ATP9B: variants seen among roughly 807,000 people sequenced by gnomAD.
The protein encoded by ATP9B is ATPase phospholipid transporting 9B.
A neutral mutation model predicts 146.1 loss-of-function variants in ATP9B; 110 were observed. The ratio of observed to expected loss-of-function variants is 0.75; its 90% CI spans 0.65 to 0.88. The LOEUF (loss-of-function observed/expected upper bound fraction) is 0.88, where lower values mean the gene tolerates loss of function less well. Among genes scored for constraint, ATP9B ranks in the 40% least tolerant of loss-of-function variants. The pLI is 0.00. For synonymous variants in ATP9B, 604 were observed against 569.7 expected (o/e 1.06, Z -0.86); for missense variants, 1,499 against 1,496.4 (o/e 1.00, Z -0.03).
At chr18:79,291,770 A>T (rs1476665877) in intron 13 of ATP9B, among the ~76,000 whole-genome samples, 1 of 152,262 alleles carries the variant, frequency 6.6e-6, no homozygotes, top group African/African-American at 2.4e-5. Flanking sequence ...TTTAGAAGAT[A>T]CCACGCATTT....
At chr18:79,206,688 A>G (rs1373262222) in intron 9 of ATP9B, among the ~76,000 whole-genome samples, 3 of 152,116 alleles carry the variant, frequency 2.0e-5, no homozygotes. Flanking sequence ...CTTTCATGAA[A>G]ATTTAGAATT....
At chr18:79,157,046 C>G (rs1600003649) in intron 7 of ATP9B, among the ~76,000 whole-genome samples, 1 of 151,978 alleles carries the variant, frequency 6.6e-6, no homozygotes, top group African/African-American at 2.4e-5. Context: ...TTTGTTAAGG[C>G]TTTTTTTGCA....
At chr18:79,215,666 TA>T (rs925121427) in intron 11 of ATP9B, among the ~76,000 whole-genome samples, 1 of 152,172 alleles carries the variant, frequency 6.6e-6, no homozygotes, top group African/African-American at 2.4e-5. Flanking sequence ...AGTGCTATGT[TA>T]TTTTTTTCAT....
At chr18:79,319,063 C>T (rs1427693134) in intron 15 of ATP9B, among the ~76,000 whole-genome samples, 3 of 152,112 alleles carry the variant, frequency 2.0e-5, no homozygotes, top group South Asian at 2.1e-4. Context: ...GCCAGCATCT[C>T]GGCCACCCAT....
At chr18:79,323,775 C>T (rs867558048) in intron 15 of ATP9B, among the ~76,000 whole-genome samples, 4 of 152,150 alleles carry the variant, frequency 2.6e-5, no homozygotes, top group Middle Eastern at 3.2e-3. Context: ...GTAGGGGTGC[C>T]GAGATCTCTT....
intron 6 of ATP9B, among the ~76,000 whole-genome samples, chr18:79,148,424 A>G (rs2094627049): frequency 1.3e-5 from 2 of 152,328 alleles, no homozygotes; most frequent in South Asian, 4.1e-4. Context: ...AGGTTATTCC[A>G]GGTGTGTAAA....
At chr18:79,364,927 G>A (rs755038730) in intron 26 of ATP9B, among the ~76,000 whole-genome samples, 1 of 152,096 alleles carries the variant, frequency 6.6e-6, no homozygotes, top group Non-Finnish European at 1.5e-5. Context: ...CTGCTCAGGG[G>A]GCTAAGGTGG....
At chr18:79,335,747 T>C (rs979171732) in intron 17 of ATP9B, among the ~76,000 whole-genome samples, 4 of 152,188 alleles carry the variant, frequency 2.6e-5, no homozygotes, top group African/African-American at 9.7e-5. Context: ...GCCAGTTACA[T>C]GCACGTTAAA....
At chr18:79,090,996 A>G (rs138616187) in intron 1 of ATP9B, among the ~76,000 whole-genome samples, 43 of 152,318 alleles carry the variant, frequency 2.8e-4, no homozygotes, top group African/African-American at 1.0e-3. Context: ...ATTCTTCTGC[A>G]TATGGATATC....
At chr18:79,192,708 AT>A (rs1465211950) in intron 8 of ATP9B, among the ~76,000 whole-genome samples, 1 of 152,226 alleles carries the variant, frequency 6.6e-6, no homozygotes, top group African/African-American at 2.4e-5. Context: ...GCATGTCTTC[AT>A]GGCTGTAAGG....
At chr18:79,190,511 T>TACACACACACACACACAC (rs68063845) in intron 8 of ATP9B, among the ~76,000 whole-genome samples, 27 of 143,548 alleles carry the variant, frequency 1.9e-4, no homozygotes, top group African/African-American at 6.4e-4. Context: ...TTTTTATTTA[T>TACACACACACACACACAC]ACACACACAC....
chr18:79,178,201 G>A (rs1439101051), intron 8 of ATP9B, among the ~76,000 whole-genome samples: 1 of 152,148 alleles, frequency 6.6e-6, no homozygotes. Context: ...GGCTTTCAAA[G>A]GAGCTGCCAA....
intron 11 of ATP9B, among the ~76,000 whole-genome samples, chr18:79,214,585 C>CA (rs2095610736): frequency 6.6e-6 from 1 of 152,092 alleles, no homozygotes; most frequent in Admixed American, 6.5e-5. Flanking sequence ...AAAATCATAA[C>CA]AAAAAGTCTG....
chr18:79,371,753 G>A (rs2097072091), intron 26 of ATP9B, among the ~76,000 whole-genome samples: 1 of 152,138 alleles, frequency 6.6e-6, no homozygotes, highest in Non-Finnish European at 1.5e-5. Context: ...TGTCTTCTGT[G>A]TCCCCTGAGC....
chr18:79,126,186 A>G, intron 4 of ATP9B, 81 bp from the exon 5 acceptor site: 6 of 1,218,476 alleles, frequency 4.9e-6, no homozygotes, highest in Non-Finnish European at 7.0e-6. Context: ...ATTGAAGGAA[A>G]AAAGTTAAAC....
chr18:79,265,811 C>G (rs2096197896), intron 12 of ATP9B, among the ~76,000 whole-genome samples: 1 of 152,130 alleles, frequency 6.6e-6, no homozygotes, highest in Non-Finnish European at 1.5e-5. Flanking sequence ...AAATCTTCAC[C>G]CATGCCTGTG....
intron 19 of ATP9B, among the ~76,000 whole-genome samples, chr18:79,340,706 A>G (rs1429870392): frequency 1.3e-5 from 2 of 152,218 alleles, no homozygotes; most frequent in African/African-American, 4.8e-5. Context: ...ATTTTACTCT[A>G]TCGTCTAGGA....
chr18:79,178,352 A>T (rs1181467111), intron 8 of ATP9B, among the ~76,000 whole-genome samples: 1 of 152,094 alleles, frequency 6.6e-6, no homozygotes, highest in African/African-American at 2.4e-5. Flanking sequence ...GTGATATCTT[A>T]TCGTGGCTTC....
At chr18:79,344,211 G>T in intron 20 of ATP9B, 54 bp from the exon 21 acceptor site, 1 of 1,484,350 alleles carries the variant, frequency 6.7e-7, no homozygotes, top group East Asian at 2.3e-5. Flanking sequence ...GTTTCTCTGT[G>T]CCTGTAACTT....
Sources: allele counts gnomAD v4.1 joint callset (sites outside exome capture counted in the v4.1 genomes callset), GRCh38; gene constraint gnomAD v4.1.1; transcripts MANE v1.5; gene names NCBI Gene and HGNC (gene_info 2026-07-23, HGNC 2026-07-21).